The following MNS1 variants were observed in gnomAD, a reference collection of about 807,000 sequenced individuals.
MNS1 encodes meiosis-specific nuclear structural protein 1.
Under a neutral mutation model 72.0 loss-of-function variants are expected in MNS1, and 63 were observed. The observed-to-expected ratio is 0.87, with a 90% CI of 0.71 to 1.08. The LOEUF (loss-of-function observed/expected upper bound fraction) is 1.08, where lower values mean the gene tolerates loss of function less well. Among genes scored for constraint, MNS1 ranks in the 50% least tolerant of loss-of-function variants. The pLI is 0.00. For missense variants in MNS1, 604 were observed against 562.4 expected (o/e 1.07, Z -0.75); for synonymous variants, 188 against 172.1 (o/e 1.09, Z -0.72).
chr15:56,464,349 T>C (rs951275801), intron 1 of MNS1, 102 bp from the exon 2 acceptor site: 2 of 844,280 alleles, frequency 2.4e-6, no homozygotes, highest in Admixed American at 5.0e-5. Flanking sequence ...ACGAAGAGCC[T>C]GGCTTCCTTC....
chr15:56,464,738 T>C (rs1170741138), intron 1 of MNS1, among the ~76,000 whole-genome samples: 2 of 152,200 alleles, frequency 1.3e-5, no homozygotes, highest in Non-Finnish European at 2.9e-5. Flanking sequence ...TCAGAGGTTC[T>C]ATTGGGCAGA....
chr15:56,461,592 C>T (rs557205919), intron 2 of MNS1, among the ~76,000 whole-genome samples: 13 of 126,958 alleles, frequency 1.0e-4, no homozygotes, highest in Non-Finnish European at 1.7e-4. Flanking sequence ...ACCCAGAAGG[C>T]GGAGGTTGCA....
In MNS1 at chr15:56,453,469, A is replaced by C. The variant is rs145128014; in HGVS notation, c.353+2925T>G. On this transcript the variant is annotated intron_variant, in intron 3 of 9. Coordinates refer to ENST00000260453, the MANE Select transcript of MNS1 (RefSeq NM_018365.4). The stretch of plus-strand genomic sequence containing the variant: ...AGCTTGATTATCAGTCCAGAACATA[A>C]TTATACTGGTATAAGCTAGGTAATG... Among the ~76,000 whole-genome samples, 19 of 152,278 alleles carry C rather than the reference A, an allele frequency of 1.2e-4. No homozygotes were observed. In the East Asian group the frequency reaches 3.7e-3, roughly 29 times the overall value.
chr15:56,434,844 CT>C (rs1418135158), intron 7 of MNS1, among the ~76,000 whole-genome samples: 3 of 152,162 alleles, frequency 2.0e-5, no homozygotes, highest in Admixed American at 6.6e-5. Flanking sequence ...CATCTCTAGT[CT>C]TCTAATATTC....
chr15:56,461,302 A>G (rs2051018898), intron 2 of MNS1, among the ~76,000 whole-genome samples: 1 of 152,134 alleles, frequency 6.6e-6, no homozygotes. Flanking sequence ...AATTATCACA[A>G]GCCTAGAACA....
At chr15:56,450,188 G>A (rs1236110795) in intron 3 of MNS1, among the ~76,000 whole-genome samples, 1 of 152,050 alleles carries the variant, frequency 6.6e-6, no homozygotes, top group African/African-American at 2.4e-5. Context: ...CTACCCTTGA[G>A]GAACAGCCTT....
At position 56,465,074 on chromosome 15, in the gene MNS1, G is replaced by C; in HGVS notation, c.-102C>G. On this transcript the variant is annotated 5_prime_UTR_variant, in exon 1 of 10. Transcript: ENST00000260453. The stretch of plus-strand genomic sequence containing the variant: ...CCAAGGAGCGCACCTGGCTGCGCGC[G>C]CTCGGGTGTTTACGCGGCGTCTTGG... 6.6e-7 allele frequency: 1 copy of C among 1,509,128 alleles called. No homozygotes were observed. Among genetic ancestry groups the C allele is most frequent in the Non-Finnish European group, 9.0e-7 (1 of 1,114,632 alleles). 93.5% of individuals were successfully genotyped at this position (1,509,128 alleles called of 1,614,324 possible).
At chr15:56,450,773 A>G (rs2050942062) in intron 3 of MNS1, among the ~76,000 whole-genome samples, 1 of 152,122 alleles carries the variant, frequency 6.6e-6, no homozygotes, top group Admixed American at 6.5e-5. Flanking sequence ...TATGCCTAGG[A>G]GTGGAATTGC....
At chr15:56,429,512 C>A (rs1046048778) in intron 9 of MNS1, 3 of 187,028 alleles carry the variant, frequency 1.6e-5, no homozygotes, top group Admixed American at 1.3e-4. Flanking sequence ...TGTACCCTAC[C>A]CTTTTCTTTA....
Position 56,444,953 on chromosome 15 carries a change from T to A in MNS1, c.457-280A>T, listed in dbSNP as rs185273027. Among the ~76,000 whole-genome samples the A allele has an allele frequency of 3.9e-3, 597 of 152,148 alleles. 2 individuals carry two copies. Among genetic ancestry groups the A allele is most frequent in the Non-Finnish European group, 6.9e-3 (471 of 67,876 alleles). On this transcript the variant is annotated intron_variant, in intron 4 of 9. Coordinates refer to ENST00000260453, the MANE Select transcript of MNS1 (RefSeq NM_018365.4). ...ACATTCAAAAAACAATGAATACAATTGTAAGTAGTTTCTTAATAACTATTT... is the reference window on the plus strand; with the variant it reads ...ACATTCAAAAAACAATGAATACAATAGTAAGTAGTTTCTTAATAACTATTT...
chr15:56,444,799 G>C (rs1279381770), intron 4 of MNS1, 126 bp from the exon 5 acceptor site: 20 of 854,284 alleles, frequency 2.3e-5, no homozygotes, highest in Non-Finnish European at 5.3e-6. Context: ...CATCTGTCTA[G>C]GTTAAAAAGC....
At chr15:56,455,738 G>A (rs1182388679) in intron 3 of MNS1, among the ~76,000 whole-genome samples, 1 of 152,050 alleles carries the variant, frequency 6.6e-6, no homozygotes, top group Non-Finnish European at 1.5e-5. Flanking sequence ...AGTATTATAC[G>A]GAAGTATGGG....
At chr15:56,430,593 A>G (rs1410244359) in intron 9 of MNS1, among the ~76,000 whole-genome samples, 1 of 152,196 alleles carries the variant, frequency 6.6e-6, no homozygotes, top group African/African-American at 2.4e-5. Context: ...AAGTTTAACT[A>G]GTTATAACTT....
chr15:56,440,427 A>G (rs1347255590), intron 7 of MNS1, among the ~76,000 whole-genome samples: 1 of 152,208 alleles, frequency 6.6e-6, no homozygotes, highest in Admixed American at 6.5e-5. Context: ...CACAGCTAAC[A>G]TGCAGTTACC....
At chr15:56,447,043 G>A in intron 3 of MNS1, 100 bp from the exon 4 acceptor site, 1 of 734,828 alleles carries the variant, frequency 1.4e-6, no homozygotes, top group African/African-American at 1.8e-5. Flanking sequence ...ACTCAAAGAG[G>A]GAATACAGCG....
At chr15:56,434,416 T>C in intron 7 of MNS1, 21 bp from the exon 8 acceptor site, 1 of 1,592,440 alleles carries the variant, frequency 6.3e-7, no homozygotes. Context: ...CAGCTGAAAG[T>C]TAATTTAGTA....
chr15:56,444,398 T>G (rs752965516), intron 5 of MNS1, 46 bp downstream of exon 5: 1 of 1,517,472 alleles, frequency 6.6e-7, no homozygotes, highest in Admixed American at 1.9e-5. Flanking sequence ...CTGTGATATA[T>G]CTAAAGTAAA....
At position 56,464,087 on chromosome 15, in the gene MNS1, T is replaced by G. The variant is rs1715919; in HGVS notation, c.164A>C (p.Gln55Pro). 0.092 allele frequency: 148,353 copies of G among 1,613,784 alleles called. 7,330 individuals are homozygous for G. The highest frequency in any genetic ancestry group is 0.1 in the Non-Finnish European group (121,513 of 1,179,748). Residue 55 changes from glutamine (Q) to proline (P), a missense_variant, in exon 2 of 10, where the codon CAA becomes CCA. Gln to Pro is a moderately conservative substitution (Grantham distance 76). Coordinates refer to ENST00000260453, the MANE Select transcript of MNS1 (RefSeq NM_018365.4). ...TTCATTTTGTAATAATCTGAGAAAT[T>G]GCTTGCGCTGAACACGGTTATCATT... Reference protein sequence around the residue: ...NENDNRVQRKQFLRLLQNEQF... With the variant: ...NENDNRVQRKPFLRLLQNEQF...
At chr15:56,434,857 C>T (rs2050693101) in intron 7 of MNS1, among the ~76,000 whole-genome samples, 1 of 152,072 alleles carries the variant, frequency 6.6e-6, no homozygotes, top group Non-Finnish European at 1.5e-5. Context: ...CTAATATTCC[C>T]TTCATTCTCC....
Sources: gnomAD v4.1 joint callset for allele counts (sites outside exome capture counted in the v4.1 genomes callset) on GRCh38, gnomAD v4.1.1 for gene constraint, MANE v1.5 for transcripts, NCBI Gene and HGNC (gene_info 2026-07-23, HGNC 2026-07-21) for gene names.